The following DNAH11 variants were observed in gnomAD, a reference collection of about 807,000 sequenced individuals.
DNAH11 encodes the protein axonemal beta dynein heavy chain 11.
DNAH11 carries 442 observed loss-of-function variants against 526.0 expected under a neutral mutation model. That is an observed-to-expected ratio of 0.84 (90% CI 0.78 to 0.91). The LOEUF (loss-of-function observed/expected upper bound fraction) is 0.91, where lower values mean the gene tolerates loss of function less well. Ranked by LOEUF, DNAH11 falls within the 40% of genes least tolerant of loss-of-function variation. The pLI, the probability that DNAH11 is intolerant of heterozygous loss-of-function variation, is 0.00. For synonymous variants in DNAH11, 2,461 were observed against 1,935.9 expected (o/e 1.27, Z -7.12); for missense variants, 6,989 against 5,448.7 (o/e 1.28, Z -8.90).
intron 63 of DNAH11, among the ~76,000 whole-genome samples, chr7:21,812,603 A>G (rs1159295726): frequency 1.3e-5 from 2 of 152,118 alleles, no homozygotes; most frequent in Non-Finnish European, 2.9e-5. Context: ...ACAGCAAGCT[A>G]TGATGGCACC....
rs1395575938 is a variant in DNAH11, at chr7:21,687,032, A to ATTGCCTCTGATGTT, written c.5622-64_5622-51dup. ...GCTTCTTAAACTTTTTTTCTAATGT[A>ATTGCCTCTGATGTT]TTGCCTCTGATGTTTTATGAAAATC... On this transcript the variant is annotated intron_variant, in intron 32 of 81. Transcript: ENST00000409508. 1.5e-5 allele frequency: 22 copies of ATTGCCTCTGATGTT among 1,472,994 alleles called. No homozygotes were observed. The African/African-American group carries it at 3.1e-4, about 21-fold the overall frequency. The allele number at this position is 1,472,994 out of a possible 1,614,324, so 91.2% of individuals were successfully genotyped here.
At chr7:21,665,091 C>T (rs1031264313) in intron 30 of DNAH11, among the ~76,000 whole-genome samples, 1 of 151,484 alleles carries the variant, frequency 6.6e-6, no homozygotes, top group African/African-American at 2.4e-5. Context: ...ATCTCTCTCT[C>T]TCTCTCTCAC....
chr7:21,744,625 C>G (rs1009748256), intron 50 of DNAH11, 26 bp downstream of exon 50: 1 of 1,609,366 alleles, frequency 6.2e-7, no homozygotes, highest in Non-Finnish European at 8.5e-7. Context: ...TCAGAGGTCA[C>G]TACTTACTCC....
intron 79 of DNAH11, among the ~76,000 whole-genome samples, chr7:21,896,653 C>G (rs1259674374): frequency 1.3e-5 from 2 of 152,216 alleles, no homozygotes; most frequent in Admixed American, 6.5e-5. Context: ...CTACATTTAT[C>G]TGCCTGACCT....
chr7:21,602,254 G>C (rs901614082), intron 18 of DNAH11, among the ~76,000 whole-genome samples: 2 of 152,106 alleles, frequency 1.3e-5, no homozygotes, highest in Admixed American at 1.3e-4. Context: ...CAGAAGAATC[G>C]TTTGAACTCG....
intron 6 of DNAH11, among the ~76,000 whole-genome samples, chr7:21,567,347 A>C (rs1055306856): frequency 6.6e-6 from 1 of 152,146 alleles, no homozygotes; most frequent in African/African-American, 2.4e-5. Context: ...TTTATTGATA[A>C]AGTTTTTGTG....
intron 55 of DNAH11, 21 bp downstream of exon 55, chr7:21,765,610 TCACACACACACACACACACACACA>T (rs3219983): frequency 1.6e-4 from 156 of 956,170 alleles, no homozygotes; most frequent in African/African-American, 3.6e-4. Flanking sequence ...TCAGCCTGCG[TCACACACACACACACACACACACA>T]CACACACACA....
intron 66 of DNAH11, among the ~76,000 whole-genome samples, chr7:21,849,500 G>T (rs975290900): frequency 1.3e-5 from 2 of 152,106 alleles, no homozygotes; most frequent in African/African-American, 4.8e-5. Flanking sequence ...GGTAAGGCAG[G>T]TCTACTGACA....
intron 30 of DNAH11, among the ~76,000 whole-genome samples, chr7:21,673,948 G>A (rs1403335174): frequency 2.0e-5 from 3 of 151,368 alleles, no homozygotes; most frequent in African/African-American, 7.3e-5. Flanking sequence ...GAAAACTTGG[G>A]CTGCTGTTTA....
chr7:21,861,968 G>T lies in DNAH11; in HGVS notation c.11318G>T (p.Ser3773Ile). ...ACCCATGCTGTCTTCCTCTACACCA[G>T]CCAGGCGCTGTTTGAGAAGGACAAG... is the stretch of plus-strand genomic sequence containing the variant. ...SITHAVFLYT[S>I]QALFEKDKLT... The change falls in exon 69 of 82, where the codon AGC becomes ATC. Residue 3773 changes from serine (S) to isoleucine (I), a missense_variant. Ser to Ile is a moderately radical substitution (Grantham distance 142, BLOSUM62 -2). Coordinates refer to ENST00000409508, the MANE Select transcript of DNAH11 (RefSeq NM_001277115.2). 6.2e-7 allele frequency: 1 copy of T among 1,613,700 alleles called. No individual in the cohort carries two copies. The highest frequency in any genetic ancestry group is 1.1e-5 in the South Asian group (1 of 91,022).
chr7:21,718,000 C>T lies in DNAH11; in HGVS notation c.7134+75C>T, dbSNP rs1478022375. ...TTTGTTGATCAAGACAACAGAAGAT[C>T]TTGCCTTGCCCAAGAAAGTGAGAAG... On this transcript the variant is annotated intron_variant, in intron 43 of 81. Transcript: ENST00000409508. The T allele has an allele frequency of 1.3e-5, 19 of 1,506,984 alleles. No homozygotes were observed. In the South Asian group the frequency reaches 1.6e-4, roughly 12 times the overall value. 93.4% of individuals were successfully genotyped at this position (1,506,984 alleles called of 1,614,324 possible).
At chr7:21,663,748 C>T (rs1055454524) in intron 30 of DNAH11, among the ~76,000 whole-genome samples, 1 of 127,362 alleles carries the variant, frequency 7.9e-6, no homozygotes, top group Non-Finnish European at 1.6e-5. Context: ...TCATAAATGA[C>T]AGGATTTCCT....
rs1314787672 is a variant in DNAH11, at chr7:21,591,334, C to T, written c.2424C>T (p.Asp808=). 2.5e-6 allele frequency: 4 copies of T among 1,613,750 alleles called. No individual in the cohort carries two copies. Among genetic ancestry groups the T allele is most frequent in the East Asian group, 2.2e-5 (1 of 44,860 alleles). ...AATTWLTWQD[D]CWGYIERVRA... is the part of the protein sequence containing the mutation. ...CAACGTGGCTGACATGGCAGGATGACTGCTGGGGCTACATCGAGAGGGTGA... is the reference window on the plus strand; with the variant it reads ...CAACGTGGCTGACATGGCAGGATGATTGCTGGGGCTACATCGAGAGGGTGA... The change falls in exon 14 of 82, where the codon GAC becomes GAT. Residue 808 remains aspartate, a synonymous_variant. Coordinates refer to ENST00000409508, the MANE Select transcript of DNAH11 (RefSeq NM_001277115.2).
At position 21,725,836 on chromosome 7, in the gene DNAH11, G is replaced by A; in HGVS notation, c.7292G>A (p.Ser2431Asn). ...DQISDYQADF[S>N]RWWQKEMKAV... ...ATTTCTGATTATCAAGCTGACTTCA[G>A]TCGGTGGTGGCAGAAAGAGATGAAA... The change falls in exon 45 of 82, where the codon AGT (serine) becomes AAT (asparagine). Residue 2431 changes from serine to asparagine, a missense_variant. Physicochemically the swap from Ser to Asn is conservative, Grantham distance 46 (BLOSUM62 1). Coordinates refer to ENST00000409508, the MANE Select transcript of DNAH11 (RefSeq NM_001277115.2). 6.2e-7 allele frequency: 1 copy of A among 1,611,882 alleles called. No homozygotes were observed. The highest frequency in any genetic ancestry group is 8.5e-7 in the Non-Finnish European group (1 of 1,179,018).
In DNAH11 at chr7:21,880,780, G is replaced by T; in HGVS notation, c.12274G>T (p.Ala4092Ser). 2.5e-6 allele frequency: 4 copies of T among 1,613,984 alleles called. No homozygotes were observed. Among genetic ancestry groups the T allele is most frequent in the Non-Finnish European group, 3.4e-6 (4 of 1,179,896 alleles). The stretch of plus-strand genomic sequence containing the variant: ...TCTCTGCTACTTCCACGCCTGTGTT[G>T]CTGGGAGACTGAGGTTTGGCCCCCA... ...FSLCYFHACVAGRLRFGPQGW... is the reference protein window; with the variant it reads ...FSLCYFHACVSGRLRFGPQGW... The change falls in exon 75 of 82, where the codon GCT (alanine) becomes TCT (serine). Residue 4092 changes from alanine (A) to serine (S), a missense_variant. Ala to Ser is a moderately conservative substitution (Grantham distance 99, BLOSUM62 1). Coordinates refer to ENST00000409508, the MANE Select transcript of DNAH11 (RefSeq NM_001277115.2).
rs748720671 is a variant in DNAH11, at chr7:21,718,065, C to T, written c.7134+140C>T. 39 of 1,161,784 alleles carry T rather than the reference C, an allele frequency of 3.4e-5. No individual in the cohort carries two copies. In the Admixed American group the frequency reaches 3.6e-4, roughly 11 times the overall value. The allele number at this position is 1,161,784 out of a possible 1,614,324, so 72.0% of individuals were successfully genotyped here. On this transcript the variant is annotated intron_variant, in intron 43 of 81. Transcript: ENST00000409508. ...TAGATTGCTGCAACCCTCTTGCCCC[C>T]GCCCCCGTCCCCCATGTTCCCTGGA...
chr7:21,570,008 G>A (rs543476307), intron 6 of DNAH11, 61 bp from the exon 7 acceptor site: 32 of 1,309,980 alleles, frequency 2.4e-5, no homozygotes, highest in Admixed American at 5.5e-5. Context: ...AAACAGAGAC[G>A]GTTACAGGGA....
rs552690274 is a variant in DNAH11, at chr7:21,859,359, C to T, written c.11203-2494C>T. ...AAACTCCTGAACTCAGGTGATCCAC[C>T]TGCCTCAGCCTCCCAAAGTGCTGGG... On this transcript the variant is annotated intron_variant, in intron 68 of 81. Transcript: ENST00000409508. 1.4e-3 allele frequency among the ~76,000 whole-genome samples: 212 copies of T among 152,310 alleles called. 3 individuals carry two copies. In the Middle Eastern group the frequency reaches 0.034, roughly 24 times the overall value.
chr7:21,595,618 C>T (rs1037458466), intron 14 of DNAH11, among the ~76,000 whole-genome samples: 11 of 152,016 alleles, frequency 7.2e-5, no homozygotes, highest in African/African-American at 2.2e-4. Flanking sequence ...AGAGACTTAG[C>T]AGGGAAGGTC....
Sources: allele counts gnomAD v4.1 joint callset (sites outside exome capture counted in the v4.1 genomes callset), GRCh38; gene constraint gnomAD v4.1.1; transcripts MANE v1.5; gene names NCBI Gene and HGNC (gene_info 2026-07-23, HGNC 2026-07-21).